The following DLG5 variants were observed in gnomAD, a reference collection of about 807,000 sequenced individuals.
DLG5 encodes the protein discs large MAGUK scaffold protein 5.
Under a neutral mutation model 189.8 loss-of-function variants are expected in DLG5, and 48 were observed. That is an observed-to-expected ratio of 0.25 (90% confidence interval 0.20 to 0.32). The LOEUF (loss-of-function observed/expected upper bound fraction) is 0.32. Ranked by LOEUF, DLG5 falls within the 10% of genes least tolerant of loss-of-function variation. The pLI is 1.00. For missense variants in DLG5, 2,160 were observed against 2,544.7 expected (o/e 0.85, Z 3.25); for synonymous variants, 1,016 against 1,054.1 (o/e 0.96, Z 0.70).
At position 77,809,548 on chromosome 10, in the gene DLG5, T is replaced by C. The variant is rs781069578; in HGVS notation, c.4646A>G (p.Glu1549Gly). The part of the protein sequence containing the change: ...DGLVPGDLIL[E>G]YGSLDVRNKT... Reference sequence around the variant, plus strand: ...CCTGCTCAGCAGCTCAGAACTCACCTCCAGGATGAGGTCCCCTGGCACGAG... The same window carrying C: ...CCTGCTCAGCAGCTCAGAACTCACCCCCAGGATGAGGTCCCCTGGCACGAG... Residue 1549 changes from glutamate to glycine, a missense_variant and splice_region_variant, in exon 24 of 32, where the codon GAG becomes GGG. Transcript: ENST00000372391. The C allele has an allele frequency of 3.7e-6, 6 of 1,611,732 alleles. No individual in the cohort carries two copies. The highest frequency in any genetic ancestry group is 5.1e-6 in the Non-Finnish European group (6 of 1,178,842).
In DLG5 at chr10:77,829,384, G is replaced by A. The variant is rs756248555; in HGVS notation, c.2156C>T (p.Pro719Leu). Residue 719 changes from proline to leucine, a missense_variant, in exon 12 of 32, where the codon CCG (proline) becomes CTG (leucine). Transcript: ENST00000372391. The part of the protein sequence containing the change: ...RKSLGGKVVT[P>L]LHINLSGQKD... ...CTGTCCACTGAGGTTGATGTGCAGC[G>A]GCGTGACCACCTTCCCACCCAGGGA... The A allele has an allele frequency of 8.1e-6, 13 of 1,614,168 alleles. No homozygotes were observed. Among genetic ancestry groups the A allele is most frequent in the East Asian group, 2.2e-5 (1 of 44,888 alleles).
At chr10:77,914,516 A>G (rs1846308359) in intron 1 of DLG5, among the ~76,000 whole-genome samples, 1 of 152,198 alleles carries the variant, frequency 6.6e-6, no homozygotes, top group Non-Finnish European at 1.5e-5. Context: ...CACACAGCTT[A>G]GGAGTAAAGA....
intron 5 of DLG5, chr10:77,846,738 C>A: frequency 2.2e-6 from 1 of 456,200 alleles, no homozygotes; most frequent in Non-Finnish European, 4.4e-6. Flanking sequence ...TCTAAACATC[C>A]CCTAAGCCAA....
At chr10:77,908,643 T>C (rs559499595) in intron 1 of DLG5, among the ~76,000 whole-genome samples, 2 of 152,262 alleles carry the variant, frequency 1.3e-5, no homozygotes, top group East Asian at 3.9e-4. Flanking sequence ...TCTACCTCCC[T>C]CCTTCCAGCC....
rs763966165 is a variant in DLG5 at position 77,816,635 on chromosome 10, G to A, written c.3941C>T (p.Ser1314Phe). 6.2e-7 allele frequency: 1 copy of A among 1,614,034 alleles called. No individual in the cohort carries two copies. ...GGCTGAGGTCTGGGACTGGCTACAA[G>A]AGGACAGGGTGTCGATGTTCAGGGG... ...QSPLNIDTLS[S>F]CSQSQTSAST... Residue 1314 changes from serine (S) to phenylalanine (F), a missense_variant, in exon 20 of 32, where the codon TCT (serine) becomes TTT (phenylalanine). Transcript: ENST00000372391.
intron 1 of DLG5, among the ~76,000 whole-genome samples, chr10:77,897,358 AAAAT>A (rs566516489): frequency 1.3e-5 from 2 of 151,546 alleles, no homozygotes; most frequent in South Asian, 2.1e-4. Flanking sequence ...TCCATCTCCA[AAAAT>A]AAATAAATAA....
intron 2 of DLG5, chr10:77,868,547 G>A: frequency 3.8e-6 from 1 of 262,054 alleles, no homozygotes; most frequent in Non-Finnish European, 7.5e-6. Context: ...AGATGGCCGG[G>A]ACTCACCACT....
At chr10:77,853,632 C>T (rs563757364) in intron 4 of DLG5, 95 bp from the exon 5 acceptor site, 281 of 1,278,234 alleles carry the variant, frequency 2.2e-4, no homozygotes, top group Non-Finnish European at 2.8e-4. Context: ...CAACACTTCC[C>T]GTAGATACAG....
Position 77,806,844 on chromosome 10 carries a change from G to T in DLG5, c.4881C>A (p.Pro1627=), listed in dbSNP as rs747832304. Residue 1627 remains proline, a synonymous_variant, in exon 26 of 32, where the codon CCC becomes CCA. Transcript: ENST00000372391. ...CCATCCAGGACCCGAACGTGCCCTG[G>T]GGTAAGGTGTCATCCACGTAGAGGA... The part of the protein sequence containing the change: ...DDILYVDDTL[P]QGTFGSWMAW... 3.7e-6 allele frequency: 6 copies of T among 1,614,132 alleles called. No individual in the cohort carries two copies. The South Asian group carries it at 6.6e-5, about 18-fold the overall frequency.
chr10:77,894,488 A>G (rs1845700183), intron 1 of DLG5, among the ~76,000 whole-genome samples: 1 of 149,172 alleles, frequency 6.7e-6, no homozygotes, highest in African/African-American at 2.5e-5. Context: ...TTTCTTCTTC[A>G]TTAATTAAAT....
intron 2 of DLG5, chr10:77,868,907 T>C (rs751443865): frequency 1.8e-5 from 10 of 554,880 alleles, no homozygotes; most frequent in Non-Finnish European, 2.9e-5. Flanking sequence ...AAGTAAACAA[T>C]GGCAAAACAT....
chr10:77,811,419 C>A (rs1469631816), intron 22 of DLG5, among the ~76,000 whole-genome samples, 185 bp from the exon 23 acceptor site: 4 of 152,032 alleles, frequency 2.6e-5, no homozygotes, highest in Non-Finnish European at 5.9e-5. Flanking sequence ...CTCTCCCCTC[C>A]ACCTGTCCTC....
At chr10:77,816,299 C>G in intron 20 of DLG5, 1 of 696,392 alleles carries the variant, frequency 1.4e-6, no homozygotes, top group South Asian at 1.5e-5. Flanking sequence ...CATGATGGCA[C>G]GATCACCGTC....
In DLG5 at chr10:77,805,772, C is replaced by A. The variant is rs1161241786; in HGVS notation, c.5057G>T (p.Arg1686Leu). 2 of 1,614,022 alleles carry A rather than the reference C, an allele frequency of 1.2e-6. No homozygotes were observed. The highest frequency in any genetic ancestry group is 4.5e-5 in the East Asian group (2 of 44,882). Reference sequence around the variant, plus strand: ...CTTGTGTTTCCTCCGAAAAAAGGACCGGCGTGCAGCCGCTGACAGCGTCTT... The same window carrying A: ...CTTGTGTTTCCTCCGAAAAAAGGACAGGCGTGCAGCCGCTGACAGCGTCTT... ...ATKTLSAAAR[R>L]SFFRRKHKHK... The change falls in exon 27 of 32, where the codon CGG becomes CTG. Residue 1686 changes from arginine (R) to leucine (L), a missense_variant. Transcript: ENST00000372391.
chr10:77,874,780 C>T (rs140019328), intron 1 of DLG5, among the ~76,000 whole-genome samples: 37 of 152,266 alleles, frequency 2.4e-4, no homozygotes, highest in African/African-American at 8.2e-4. Flanking sequence ...CTCGCATAGC[C>T]GGTACTCTAA....
chr10:77,934,842 C>CTTTTTTTTTT, the DLG5 span, among the ~76,000 whole-genome samples: 74 of 145,082 alleles, frequency 5.1e-4, no homozygotes, highest in African/African-American at 1.9e-3. Context: ...GGGTGCTGTT[C>CTTTTTTTTTT]TTTTTTTTTG....
At chr10:77,824,244 G>A (rs1417829082) in intron 14 of DLG5, 140 bp downstream of exon 14, 1 of 616,956 alleles carries the variant, frequency 1.6e-6, no homozygotes, top group Non-Finnish European at 2.8e-6. Context: ...GTCCAGTCAG[G>A]GTTCCTGCCC....
intron 27 of DLG5, among the ~76,000 whole-genome samples, chr10:77,803,646 G>A (rs1841327944): frequency 6.6e-6 from 1 of 152,156 alleles, no homozygotes; most frequent in South Asian, 2.1e-4. Flanking sequence ...TGCAAAAGGT[G>A]TATGTATCTA....
chr10:77,843,347 T>C (rs530454271), intron 6 of DLG5, 100 bp downstream of exon 6: 4 of 1,439,798 alleles, frequency 2.8e-6, no homozygotes, highest in East Asian at 2.3e-5. Context: ...CATTTTTTGA[T>C]TGAAAAAGCA....
Sources: gnomAD v4.1 joint callset for allele counts (sites outside exome capture counted in the v4.1 genomes callset) on GRCh38, gnomAD v4.1.1 for gene constraint, MANE v1.5 for transcripts, NCBI Gene and HGNC (gene_info 2026-07-23, HGNC 2026-07-21) for gene names.